ATAD1: variants seen among roughly 807,000 people sequenced by gnomAD.
ATAD1 encodes ATPase family AAA domain containing 1, also known as outer mitochondrial transmembrane helix translocase.
A neutral mutation model predicts 42.7 loss-of-function variants in ATAD1; 18 were observed. That is an observed-to-expected ratio of 0.42 (90% CI 0.29 to 0.63). The LOEUF is 0.63. Among genes scored for constraint, ATAD1 ranks in the 20% least tolerant of loss-of-function variants. ATAD1 has a pLI of 0.19. For synonymous variants in ATAD1, 132 were observed against 143.1 expected, an observed-to-expected ratio of 0.92 and a Z score of 0.55; for missense variants, 294 against 440.4, an observed-to-expected ratio of 0.67 and a Z score of 2.98.
At chr10:87,775,420 CAAAAAAAAAAAAAAAAA>C (rs35200026) in intron 6 of ATAD1, among the ~76,000 whole-genome samples, 1,406 of 24,080 alleles carry the variant, frequency 0.058, 55 homozygotes, top group African/African-American at 0.17. Flanking sequence ...GACTCCATCT[CAAAAAAAAAAAAAAAAA>C]AAAAGAGAAA....
At chr10:87,839,723 G>A in intron 1 of ATAD1, among the ~76,000 whole-genome samples, 2 of 149,272 alleles carry the variant, frequency 1.3e-5, no homozygotes, top group East Asian at 4.0e-4. Flanking sequence ...GCCGCCCCCA[G>A]TAATCTTCTC....
chr10:87,837,829 G>A (rs979627116), intron 1 of ATAD1, among the ~76,000 whole-genome samples: 1 of 152,172 alleles, frequency 6.6e-6, no homozygotes, highest in African/African-American at 2.4e-5. Context: ...CAGAGATATT[G>A]GAGCTTGTCA....
intron 1 of ATAD1, among the ~76,000 whole-genome samples, chr10:87,827,083 T>TA (rs2132103878): frequency 6.6e-6 from 1 of 152,302 alleles, no homozygotes; most frequent in Non-Finnish European, 1.5e-5. Flanking sequence ...GAAGAACAAA[T>TA]ATAGTCTCTG....
chr10:87,790,641 T>C (rs1054656111), intron 3 of ATAD1, among the ~76,000 whole-genome samples: 1 of 152,168 alleles, frequency 6.6e-6, no homozygotes, highest in Non-Finnish European at 1.5e-5. Flanking sequence ...CTATCTACTA[T>C]TAAAAATCTG....
chr10:87,756,253 A>G (rs1320463167), intron 9 of ATAD1, among the ~76,000 whole-genome samples: 1 of 152,230 alleles, frequency 6.6e-6, no homozygotes, highest in East Asian at 1.9e-4. Context: ...AAAGAAATGC[A>G]GTATAATACT....
intron 2 of ATAD1, among the ~76,000 whole-genome samples, chr10:87,803,783 T>C (rs1384686605): frequency 2.0e-5 from 3 of 152,262 alleles, no homozygotes; most frequent in Admixed American, 6.5e-5. Context: ...CTCAGATATT[T>C]GCGGTTCGCA....
chr10:87,765,911 T>C lies in ATAD1; in HGVS notation c.831+1762A>G, dbSNP rs146500278. 5.8e-3 allele frequency among the ~76,000 whole-genome samples: 881 copies of C among 151,928 alleles called. 10 individuals carry two copies. The highest frequency in any genetic ancestry group is 0.019 in the African/African-American group (807 of 41,436). ...AAACAGAATTAGCCAGGCTTGCTGG[T>C]ACATGCCTGTAATCTGCTTGGGAGG... On this transcript the variant is annotated intron_variant, in intron 8 of 9. Coordinates refer to ENST00000680024, the MANE Select transcript of ATAD1 (RefSeq NM_001321967.2).
At chr10:87,833,358 G>T (rs142061172) in intron 1 of ATAD1, among the ~76,000 whole-genome samples, 471 of 152,200 alleles carry the variant, frequency 3.1e-3, no homozygotes, top group African/African-American at 0.011. Flanking sequence ...GTCAGTTCTA[G>T]GAGGTTTTTT....
upstream of ATAD1, among the ~76,000 whole-genome samples, chr10:87,822,503 A>AT (rs1857649795): frequency 6.6e-6 from 1 of 152,228 alleles, no homozygotes; most frequent in Admixed American, 6.5e-5. Context: ...ACTGTAGGAC[A>AT]TTATGTTGAG....
intron 1 of ATAD1, among the ~76,000 whole-genome samples, chr10:87,815,820 T>C (rs1857390938): frequency 6.6e-6 from 1 of 152,114 alleles, no homozygotes; most frequent in Admixed American, 6.6e-5. Context: ...TATTCTAATC[T>C]AGAATCTAGC....
At chr10:87,827,630 C>T (rs1251389759) in intron 1 of ATAD1, among the ~76,000 whole-genome samples, 1 of 152,160 alleles carries the variant, frequency 6.6e-6, no homozygotes, top group Non-Finnish European at 1.5e-5. Flanking sequence ...CAGACCACAG[C>T]CATGTAAGGC....
rs184793851 is a variant in ATAD1, at chr10:87,803,705, G to A, written c.162+10733C>T. On this transcript the variant is annotated intron_variant, in intron 2 of 9. Coordinates refer to ENST00000680024, the MANE Select transcript of ATAD1 (RefSeq NM_001321967.2). ...TGGGCACATGTCATCAGGACCTCCT[G>A]AGGCTGTGTCATGGGTGCATGTTCT... 1.3e-4 allele frequency among the ~76,000 whole-genome samples: 20 copies of A among 152,340 alleles called. No homozygotes were observed. The East Asian group carries it at 1.9e-3, about 15-fold the overall frequency.
intron 2 of ATAD1, among the ~76,000 whole-genome samples, chr10:87,797,663 G>C (rs1004757833): frequency 6.6e-6 from 1 of 152,098 alleles, no homozygotes; most frequent in Non-Finnish European, 1.5e-5. Flanking sequence ...CTTGTACCAC[G>C]AGAGGATTTG....
chr10:87,817,099 T>C (rs368821475), intron 1 of ATAD1, among the ~76,000 whole-genome samples: 1 of 152,230 alleles, frequency 6.6e-6, no homozygotes, highest in Non-Finnish European at 1.5e-5. Context: ...ACTTGTAAAA[T>C]AGTAGTCTAC....
chr10:87,802,432 A>T (rs915217806), intron 2 of ATAD1, among the ~76,000 whole-genome samples: 1 of 152,204 alleles, frequency 6.6e-6, no homozygotes. Context: ...TGATGGTACA[A>T]ATCCATGGCT....
chr10:87,825,470 C>G (rs535872033), intron 1 of ATAD1, among the ~76,000 whole-genome samples: 1 of 151,948 alleles, frequency 6.6e-6, no homozygotes, highest in Non-Finnish European at 1.5e-5. Context: ...CCACCACACC[C>G]GGCTAATTTT....
intron 2 of ATAD1, among the ~76,000 whole-genome samples, chr10:87,807,124 T>C (rs1856961183): frequency 6.6e-6 from 1 of 152,230 alleles, no homozygotes; most frequent in African/African-American, 2.4e-5. Flanking sequence ...TTCTCTTGTT[T>C]ATCTATCTTT....
chr10:87,838,862 C>T (rs188501254), intron 1 of ATAD1, among the ~76,000 whole-genome samples: 33 of 152,316 alleles, frequency 2.2e-4, no homozygotes, highest in Non-Finnish European at 8.8e-5. Flanking sequence ...GACTTCCCAG[C>T]CTCTCAAACT....
intron 1 of ATAD1, among the ~76,000 whole-genome samples, chr10:87,829,876 C>T (rs981569255): frequency 6.6e-6 from 1 of 152,148 alleles, no homozygotes; most frequent in African/African-American, 2.4e-5. Flanking sequence ...GTTGAAATAA[C>T]AAAGGATTTA....
Sources: gnomAD v4.1 joint callset for allele counts (sites outside exome capture counted in the v4.1 genomes callset) on GRCh38, gnomAD v4.1.1 for gene constraint, MANE v1.5 for transcripts, NCBI Gene and HGNC (gene_info 2026-07-23, HGNC 2026-07-21) for gene names.